Variants in PIWIL1 observed in about 807,000 individuals in gnomAD.
PIWIL1 encodes piwi-like protein 1.
A neutral mutation model predicts 114.4 loss-of-function variants in PIWIL1; 73 were observed. The ratio of observed to expected loss-of-function variants is 0.64; its 90% CI spans 0.53 to 0.78. The LOEUF (loss-of-function observed/expected upper bound fraction) is 0.78, where lower values mean the gene tolerates loss of function less well. Ranked by LOEUF, PIWIL1 falls within the 30% of genes least tolerant of loss-of-function variation. The pLI is 0.00. For synonymous variants in PIWIL1, 375 were observed against 369.0 expected (o/e 1.02, Z -0.19); for missense variants, 723 against 1,063.1 (o/e 0.68, Z 4.45).
chr12:130,403,799 C>T, the PIWIL1 span, among the ~76,000 whole-genome samples: 7 of 152,084 alleles, frequency 4.6e-5, no homozygotes, highest in African/African-American at 1.7e-4. Context: ...AATATAATTT[C>T]TGAATAAAAT....
chr12:130,426,023 T>C, the PIWIL1 span: 1 of 152,314 alleles, frequency 6.6e-6, no homozygotes, highest in Non-Finnish European at 1.5e-5. Flanking sequence ...TCAGCTAATA[T>C]TGGAGCGAAT....
the PIWIL1 span, chr12:130,426,166 G>A: frequency 6.6e-6 from 1 of 152,280 alleles, no homozygotes; most frequent in African/African-American, 2.4e-5. Flanking sequence ...ATCCGGCTCC[G>A]CTACAGCTCC....
the PIWIL1 span, among the ~76,000 whole-genome samples, chr12:130,400,598 T>C: frequency 2.0e-5 from 3 of 152,240 alleles, no homozygotes; most frequent in East Asian, 5.8e-4. Flanking sequence ...CAACACGGAA[T>C]CCTGTTTCTC....
At chr12:130,412,611 G>A in the PIWIL1 span, 1 of 1,613,276 alleles carries the variant, frequency 6.2e-7, no homozygotes. Context: ...ATAGGGGTTT[G>A]CGCTTACCTA....
At chr12:130,351,336 G>A (rs2073204461) in intron 9 of PIWIL1, 1 of 152,166 alleles carries the variant, frequency 6.6e-6, no homozygotes, top group Non-Finnish European at 1.5e-5. Context: ...GCTCTGCCCA[G>A]ACCCCTTTTA....
chr12:130,374,097 C>T (rs1281219645), downstream of PIWIL1, among the ~76,000 whole-genome samples: 1 of 152,146 alleles, frequency 6.6e-6, no homozygotes, highest in Non-Finnish European at 1.5e-5. Flanking sequence ...TCTGTCCACT[C>T]TTTTCTGGGT....
At chr12:130,391,032 G>A in the PIWIL1 span, among the ~76,000 whole-genome samples, 2 of 152,096 alleles carry the variant, frequency 1.3e-5, no homozygotes, top group East Asian at 1.9e-4. Context: ...CGGGGCCCTC[G>A]CCCTCTTTCC....
intron 2 of PIWIL1, 101 bp from the exon 3 acceptor site, chr12:130,342,889 A>G: frequency 3.8e-6 from 3 of 797,684 alleles, no homozygotes; most frequent in Admixed American, 2.4e-5. Flanking sequence ...TTATTAATTT[A>G]GATAGGTGTT....
chr12:130,362,868 T>C, intron 17 of PIWIL1, 32 bp downstream of exon 17: 3 of 1,612,198 alleles, frequency 1.9e-6, no homozygotes, highest in Middle Eastern at 1.7e-4. Flanking sequence ...CATTCTACTC[T>C]CTAAACTGGG....
chr12:130,381,349 G>C, the PIWIL1 span, among the ~76,000 whole-genome samples: 1 of 151,998 alleles, frequency 6.6e-6, no homozygotes, highest in African/African-American at 2.4e-5. Flanking sequence ...CCTCCAACCC[G>C]TTGTAACCAC....
At chr12:130,399,831 A>G in the PIWIL1 span, 2 of 1,613,410 alleles carry the variant, frequency 1.2e-6, no homozygotes, top group African/African-American at 1.3e-5. Flanking sequence ...ACCAGGGGTG[A>G]GGCAGAAGAA....
chr12:130,356,894 C>T (rs1331813600), intron 12 of PIWIL1, 24 bp from the exon 13 acceptor site: 14 of 1,533,396 alleles, frequency 9.1e-6, no homozygotes, highest in Non-Finnish European at 1.2e-5. Context: ...ATGGAATTTA[C>T]AGTGTGTCTG....
At chr12:130,382,057 A>G in the PIWIL1 span, among the ~76,000 whole-genome samples, 1 of 152,214 alleles carries the variant, frequency 6.6e-6, no homozygotes, top group Non-Finnish European at 1.5e-5. Flanking sequence ...GTCCTTTATC[A>G]GATAGGTCTT....
At chr12:130,354,316 T>G (rs962052553) in intron 9 of PIWIL1, among the ~76,000 whole-genome samples, 1 of 152,116 alleles carries the variant, frequency 6.6e-6, no homozygotes, top group Non-Finnish European at 1.5e-5. Context: ...CCATCACAGT[T>G]TTTAGGAAAA....
chr12:130,370,971 A>G (rs1469255014), intron 19 of PIWIL1, among the ~76,000 whole-genome samples: 1 of 152,212 alleles, frequency 6.6e-6, no homozygotes, highest in Non-Finnish European at 1.5e-5. Context: ...CATCTTTATG[A>G]TAAACATCTT....
the PIWIL1 span, chr12:130,397,161 A>G: frequency 5.8e-6 from 2 of 346,664 alleles, no homozygotes; most frequent in Admixed American, 9.5e-5. Context: ...ATGAGAGCAG[A>G]CTGCCAGCGG....
chr12:130,361,842 G>A (rs184685682), intron 16 of PIWIL1, among the ~76,000 whole-genome samples: 2 of 152,190 alleles, frequency 1.3e-5, no homozygotes, highest in African/African-American at 4.8e-5. Flanking sequence ...CTTGTTAAAT[G>A]TGACTCTCTC....
chr12:130,401,029 A>C, the PIWIL1 span, among the ~76,000 whole-genome samples: 1 of 152,250 alleles, frequency 6.6e-6, no homozygotes, highest in Admixed American at 6.5e-5. Context: ...CAAGATGGAA[A>C]GAGTTCTGTA....
downstream of PIWIL1, among the ~76,000 whole-genome samples, chr12:130,376,721 C>T (rs2073869437): frequency 6.6e-6 from 1 of 152,244 alleles, no homozygotes; most frequent in South Asian, 2.1e-4. Flanking sequence ...CTAATCCTGT[C>T]AGCCTAGCCT....
Sources: allele counts gnomAD v4.1 joint callset (sites outside exome capture counted in the v4.1 genomes callset), GRCh38; gene constraint gnomAD v4.1.1; transcripts MANE v1.5; gene names NCBI Gene and HGNC (gene_info 2026-07-23, HGNC 2026-07-21).